Variants in VPS53 observed in about 807,000 individuals in gnomAD.
VPS53 encodes the protein vacuolar protein sorting-associated protein 53 homolog.
Under a neutral mutation model 107.0 loss-of-function variants are expected in VPS53, and 70 were observed. That is an observed-to-expected ratio of 0.65 (90% confidence interval 0.54 to 0.80). VPS53 has a LOEUF of 0.80. Ranked by LOEUF, VPS53 falls within the 30% of genes least tolerant of loss-of-function variation. The pLI, the probability that VPS53 is intolerant of heterozygous loss-of-function variation, is 0.00. For synonymous variants in VPS53, 409 were observed against 393.3 expected, an observed-to-expected ratio of 1.04 and a Z score of -0.47; for missense variants, 917 against 1,049.4, an observed-to-expected ratio of 0.87 and a Z score of 1.74.
At chr17:693,340 T>C (rs1040982436) in intron 4 of VPS53, among the ~76,000 whole-genome samples, 2 of 152,134 alleles carry the variant, frequency 1.3e-5, no homozygotes, top group Non-Finnish European at 2.9e-5. Context: ...TATGTATACA[T>C]AGGAAAAAAT....
In VPS53 at chr17:686,411, T is replaced by C. The variant is rs80209793; in HGVS notation, c.285+11007A>G. ...TCTCAAATTTCAAAAACAATACAAATAATAAATTCTGTTGTCAAGTGGAAT... is the reference window on the plus strand; with the variant it reads ...TCTCAAATTTCAAAAACAATACAAACAATAAATTCTGTTGTCAAGTGGAAT... On this transcript the variant is annotated intron_variant, in intron 4 of 21. Coordinates refer to ENST00000437048, the MANE Select transcript of VPS53 (RefSeq NM_001128159.3). Among the ~76,000 whole-genome samples, 890 of 152,252 alleles carry C rather than the reference T, an allele frequency of 5.8e-3. 5 individuals are homozygous for C. Among genetic ancestry groups the C allele is most frequent in the Non-Finnish European group, 8.1e-3 (551 of 68,004 alleles).
At chr17:700,356 G>A (rs1378248069) in intron 2 of VPS53, among the ~76,000 whole-genome samples, 1 of 151,562 alleles carries the variant, frequency 6.6e-6, no homozygotes, top group Non-Finnish European at 1.5e-5. Context: ...CAGCCAGACC[G>A]TCATGGCGAA....
chr17:590,736 T>C (rs1311620605), intron 12 of VPS53, among the ~76,000 whole-genome samples: 1 of 146,378 alleles, frequency 6.8e-6, no homozygotes, highest in African/African-American at 2.5e-5. Flanking sequence ...GCCCACTTGA[T>C]CATGGTGGAT....
intron 5 of VPS53, among the ~76,000 whole-genome samples, chr17:656,336 C>T (rs951720818): frequency 2.6e-5 from 4 of 152,182 alleles, no homozygotes; most frequent in Non-Finnish European, 5.9e-5. Flanking sequence ...CCATATAAAA[C>T]ACCTATCAGT....
At chr17:690,191 G>C (rs1972730739) in intron 4 of VPS53, among the ~76,000 whole-genome samples, 1 of 152,228 alleles carries the variant, frequency 6.6e-6, no homozygotes, top group Admixed American at 6.5e-5. Flanking sequence ...GGCTCCCAAA[G>C]ATCTTGATGG....
At chr17:714,287 G>A (rs1973762646) in intron 1 of VPS53, 1 of 303,932 alleles carries the variant, frequency 3.3e-6, no homozygotes, top group South Asian at 6.3e-5. Context: ...CACGAGTCTG[G>A]TAAATGCATG....
At chr17:543,887 G>A (rs1283636151) in intron 17 of VPS53, among the ~76,000 whole-genome samples, 1 of 83,282 alleles carries the variant, frequency 1.2e-5, no homozygotes, top group African/African-American at 5.1e-5. Flanking sequence ...GGAGTTTGGA[G>A]GGAGGGAAGG....
intron 4 of VPS53, among the ~76,000 whole-genome samples, chr17:693,824 A>T (rs1162329302): frequency 3.4e-4 from 1 of 2,940 alleles, no homozygotes; most frequent in Non-Finnish European, 6.8e-3. Context: ...CCTTTTGTCC[A>T]TATGCCACTC....
intron 12 of VPS53, among the ~76,000 whole-genome samples, chr17:594,648 T>G (rs1967862865): frequency 7.1e-6 from 1 of 141,744 alleles, no homozygotes; most frequent in Non-Finnish European, 1.5e-5. Flanking sequence ...CTGGATCAAT[T>G]TCCTGATTTG....
chr17:560,739 C>T (rs565032714), intron 14 of VPS53, among the ~76,000 whole-genome samples, 166 bp from the exon 15 acceptor site: 102 of 152,244 alleles, frequency 6.7e-4, no homozygotes, highest in Non-Finnish European at 1.2e-3. Context: ...ACCTTGACAC[C>T]GTCAGAAATA....
At chr17:680,217 CCAGGAGG>C (rs1252348431) in intron 4 of VPS53, among the ~76,000 whole-genome samples, 2 of 152,232 alleles carry the variant, frequency 1.3e-5, no homozygotes, top group East Asian at 3.9e-4. Flanking sequence ...TCGCTTGAAC[CCAGGAGG>C]CAGAGGTTGC....
At chr17:712,177 C>CTTTTTTTTTTTTTTTTTTTTTTTTT (rs35522489) in intron 1 of VPS53, among the ~76,000 whole-genome samples, 1 of 98,466 alleles carries the variant, frequency 1.0e-5, no homozygotes. Flanking sequence ...TGACTTTCGC[C>CTTTTTTTTTTTTTTTTTTTTTTTTT]TTTTTTTTTT....
At chr17:641,598 G>T (rs1189831828) in intron 7 of VPS53, among the ~76,000 whole-genome samples, 1 of 152,152 alleles carries the variant, frequency 6.6e-6, no homozygotes, top group Non-Finnish European at 1.5e-5. Flanking sequence ...GGGACTATAG[G>T]TGTGCACCTC....
chr17:695,185 G>A (rs552381142), intron 4 of VPS53, among the ~76,000 whole-genome samples: 1 of 152,270 alleles, frequency 6.6e-6, no homozygotes, highest in South Asian at 2.1e-4. Context: ...TGGGATTTAT[G>A]GAGAAAGGAC....
intron 13 of VPS53, among the ~76,000 whole-genome samples, chr17:581,036 C>T (rs1966987518): frequency 2.0e-5 from 3 of 151,584 alleles, no homozygotes; most frequent in Non-Finnish European, 2.9e-5. Context: ...CAACCTAATG[C>T]GTTCCCACAG....
intron 2 of VPS53, among the ~76,000 whole-genome samples, chr17:707,837 T>A: frequency 8.6e-6 from 1 of 116,112 alleles, no homozygotes; most frequent in African/African-American, 3.3e-5. Context: ...AGAGTAAAAC[T>A]CTCTTTCAAA....
intron 4 of VPS53, among the ~76,000 whole-genome samples, chr17:665,819 C>A (rs939965812): frequency 6.6e-6 from 1 of 152,052 alleles, no homozygotes; most frequent in African/African-American, 2.4e-5. Flanking sequence ...GCCTGGCCAA[C>A]ATGGTGAAAC....
At chr17:702,008 C>G (rs1177049470) in intron 2 of VPS53, among the ~76,000 whole-genome samples, 1 of 152,196 alleles carries the variant, frequency 6.6e-6, no homozygotes, top group Non-Finnish European at 1.5e-5. Context: ...GGATTACAGG[C>G]ATGAGGCAGT....
intron 12 of VPS53, among the ~76,000 whole-genome samples, chr17:600,354 G>A (rs12452521): frequency 0.098 from 14,931 of 152,256 alleles, 841 homozygotes; most frequent in East Asian, 0.21. Context: ...CATGCTCACA[G>A]GGCAGAGGTG....
Sources: gnomAD v4.1 joint callset for allele counts (sites outside exome capture counted in the v4.1 genomes callset) on GRCh38, gnomAD v4.1.1 for gene constraint, MANE v1.5 for transcripts, NCBI Gene and HGNC (gene_info 2026-07-23, HGNC 2026-07-21) for gene names.